RASAL1: variants seen among roughly 807,000 people sequenced by gnomAD.
RASAL1 encodes RAS protein activator like 1.
A neutral mutation model predicts 96.6 loss-of-function variants in RASAL1; 72 were observed. The ratio of observed to expected loss-of-function variants is 0.75; its 90% CI spans 0.62 to 0.91. The LOEUF is 0.91. RASAL1 is among the 40% of genes least tolerant of loss of function. The probability of loss-of-function intolerance (pLI) is 0.00; values close to 1 mark genes in which losing one functional copy is unlikely to be tolerated. For synonymous variants in RASAL1, 405 were observed against 430.4 expected, an observed-to-expected ratio of 0.94 and a Z score of 0.73; for missense variants, 1,016 against 1,072.5, an observed-to-expected ratio of 0.95 and a Z score of 0.74.
intron 14 of RASAL1, 84 bp downstream of exon 14, chr12:113,108,001 T>C (rs1165367042): frequency 6.8e-7 from 1 of 1,462,736 alleles, no homozygotes; most frequent in African/African-American, 1.4e-5. Context: ...GGGTCTTCTG[T>C]GGGTCTGGCC....
chr12:113,101,100 C>T (rs537012225), intron 19 of RASAL1, among the ~76,000 whole-genome samples: 2 of 152,280 alleles, frequency 1.3e-5, no homozygotes, highest in African/African-American at 4.8e-5. Flanking sequence ...AGGTCGCCAC[C>T]ATTATTATCC....
At chr12:113,105,604 T>A in intron 16 of RASAL1, 110 bp downstream of exon 16, 1 of 1,198,862 alleles carries the variant, frequency 8.3e-7, no homozygotes, top group South Asian at 1.5e-5. Context: ...TGCTATGGCA[T>A]CTTGGGGCCT....
chr12:113,107,361 G>T, intron 14 of RASAL1, 120 bp from the exon 15 acceptor site: 1 of 1,200,446 alleles, frequency 8.3e-7, no homozygotes, highest in Non-Finnish European at 1.1e-6. Flanking sequence ...AGTGGCTCAT[G>T]CCTGTAATCC....
At chr12:113,117,263 A>G in intron 7 of RASAL1, 102 bp from the exon 8 acceptor site, 1 of 815,228 alleles carries the variant, frequency 1.2e-6, no homozygotes, top group Non-Finnish European at 1.8e-6. Context: ...GCCCACCCAC[A>G]GAGGGGCAGA....
Position 113,101,931 on chromosome 12 carries a change from T to C in RASAL1, c.2183A>G (p.Gln728Arg). 1 of 1,614,132 alleles carries C rather than the reference T, an allele frequency of 6.2e-7. No homozygotes were observed. The highest frequency in any genetic ancestry group is 1.1e-5 in the South Asian group (1 of 91,074). ...SDPLDPDAEA[Q>R]TVYRQLLLGR... ...CAGGAGCAGCTGCCGATACACTGTCTGGGCCTCAGCATCAGGATCCAGTGG... is the reference window on the plus strand; with the variant it reads ...CAGGAGCAGCTGCCGATACACTGTCCGGGCCTCAGCATCAGGATCCAGTGG... Residue 728 changes from glutamine (Q) to arginine (R), a missense_variant, in exon 19 of 21, where the codon CAG becomes CGG. Transcript: ENST00000548055.
chr12:113,118,360 G>A (rs1329502541), intron 7 of RASAL1, among the ~76,000 whole-genome samples: 1 of 152,124 alleles, frequency 6.6e-6, no homozygotes, highest in East Asian at 1.9e-4. Flanking sequence ...CCTTTTTATG[G>A]CTGAATAATA....
At chr12:113,119,000 C>A in intron 7 of RASAL1, 128 bp downstream of exon 7, 2 of 1,220,252 alleles carry the variant, frequency 1.6e-6, no homozygotes, top group South Asian at 1.5e-5. Context: ...CAGGCCTAAC[C>A]AGGGGAACCT....
intron 11 of RASAL1, 25 bp from the exon 12 acceptor site, chr12:113,114,937 G>T: frequency 6.3e-7 from 1 of 1,586,320 alleles, no homozygotes; most frequent in African/African-American, 1.3e-5. Flanking sequence ...CACCACACGG[G>T]GTGGGGCTGA....
At chr12:113,110,649 G>A (rs1216048475) in intron 13 of RASAL1, among the ~76,000 whole-genome samples, 1 of 152,218 alleles carries the variant, frequency 6.6e-6, no homozygotes, top group Non-Finnish European at 1.5e-5. Flanking sequence ...GCCGGGCGCG[G>A]TGGTTCACGC....
chr12:113,110,034 A>T (rs1950811803), intron 13 of RASAL1, among the ~76,000 whole-genome samples: 1 of 152,202 alleles, frequency 6.6e-6, no homozygotes, highest in Non-Finnish European at 1.5e-5. Context: ...TTGGCTCACC[A>T]TACGAGGTCT....
intron 18 of RASAL1, 139 bp from the exon 19 acceptor site, chr12:113,102,148 G>T: frequency 9.5e-7 from 1 of 1,053,132 alleles, no homozygotes; most frequent in Non-Finnish European, 1.4e-6. Context: ...ACACACGGTG[G>T]CTCATGCCTG....
Position 113,112,212 on chromosome 12 carries a change from C to G in RASAL1, c.1248G>C (p.Thr416=), listed in dbSNP as rs1391121400. ...QMRETSLGLL[T]GYLGPIVDAI... ...CGTCCACGATGGGCCCCAGGTAGCC[C>G]GTCAGCAGCCCCAGGCTGGTCTCCC... The change falls in exon 13 of 21, where the codon ACG becomes ACC. Residue 416 remains threonine (T), a synonymous_variant. Coordinates refer to ENST00000548055, the MANE Select transcript of RASAL1 (RefSeq NM_001301202.2). The G allele has an allele frequency of 1.1e-5, 14 of 1,264,550 alleles. No homozygotes were observed. The highest frequency in any genetic ancestry group is 3.1e-5 in the African/African-American group (2 of 65,006). The allele number at this position is 1,264,550 out of a possible 1,614,324, so 78.3% of individuals were successfully genotyped here.
At chr12:113,126,862 G>C (rs905639962) in intron 4 of RASAL1, among the ~76,000 whole-genome samples, 4 of 151,280 alleles carry the variant, frequency 2.6e-5, no homozygotes, top group Non-Finnish European at 5.9e-5. Flanking sequence ...TTAATAATTA[G>C]AGCACCTGCC....
chr12:113,111,306 C>A (rs953925481), intron 13 of RASAL1, among the ~76,000 whole-genome samples: 4 of 152,174 alleles, frequency 2.6e-5, no homozygotes, highest in Admixed American at 1.3e-4. Context: ...TTTCAAGAAG[C>A]ACTTACTTTG....
intron 4 of RASAL1, among the ~76,000 whole-genome samples, chr12:113,122,860 T>C (rs1951347500): frequency 1.3e-5 from 2 of 152,238 alleles, no homozygotes; most frequent in Non-Finnish European, 2.9e-5. Flanking sequence ...TAAAATTCTA[T>C]CCTTCTGGAA....
chr12:113,105,747 C>G lies in RASAL1; in HGVS notation c.1797G>C (p.Glu599Asp), dbSNP rs1950622003. The change falls in exon 16 of 21, where the codon GAG becomes GAC. Residue 599 changes from glutamate to aspartate, a missense_variant. Glu to Asp is a conservative substitution (Grantham distance 45). Transcript: ENST00000548055. The stretch of plus-strand genomic sequence containing the variant: ...CAGGACTCTTGGAGAAGGAGAGGGT[C>G]TCCCCGCTGAGCCAGACGTAGCGCT... ...FKKRYVWLSG[E>D]TLSFSKSPEW... 6.2e-7 allele frequency: 1 copy of G among 1,612,904 alleles called. No homozygotes were observed. Among genetic ancestry groups the G allele is most frequent in the African/African-American group, 1.3e-5 (1 of 75,042 alleles).
chr12:113,106,660 T>C (rs536217614), intron 15 of RASAL1, among the ~76,000 whole-genome samples: 11 of 152,202 alleles, frequency 7.2e-5, no homozygotes, highest in Admixed American at 6.5e-5. Context: ...CTTTTTTTTT[T>C]CCTTCTTAGC....
chr12:113,128,261 C>CACACAA, intron 2 of RASAL1, 83 bp from the exon 3 acceptor site: 1 of 740,612 alleles, frequency 1.4e-6, no homozygotes, highest in East Asian at 2.5e-5. Context: ...CACACACACA[C>CACACAA]ACACACACAC....
intron 7 of RASAL1, 32 bp downstream of exon 7, chr12:113,119,096 C>G (rs1170325860): frequency 6.4e-7 from 1 of 1,558,168 alleles, no homozygotes; most frequent in African/African-American, 1.4e-5. Flanking sequence ...CACTGGGGAG[C>G]CATGGAGGGT....
Sources: allele counts gnomAD v4.1 joint callset (sites outside exome capture counted in the v4.1 genomes callset), GRCh38; gene constraint gnomAD v4.1.1; transcripts MANE v1.5; gene names NCBI Gene and HGNC (gene_info 2026-07-23, HGNC 2026-07-21).